Variants in GALNT11 observed in about 807,000 individuals in gnomAD.
GALNT11 encodes the protein UDP-GalNAc:polypeptide N-acetylgalactosaminyltransferase 11.
A neutral mutation model predicts 72.7 loss-of-function variants in GALNT11; 47 were observed. The observed-to-expected ratio is 0.65, with a 90% CI of 0.51 to 0.82. The LOEUF (loss-of-function observed/expected upper bound fraction) is 0.82. Among genes scored for constraint, GALNT11 ranks in the 40% least tolerant of loss-of-function variants. The pLI is 0.00. For missense variants in GALNT11, 677 were observed against 778.4 expected (o/e 0.87, Z 1.55); for synonymous variants, 270 against 286.6 (o/e 0.94, Z 0.58).
At chr7:152,049,292 A>G (rs2083284130) in intron 1 of GALNT11, among the ~76,000 whole-genome samples, 1 of 152,168 alleles carries the variant, frequency 6.6e-6, no homozygotes, top group East Asian at 1.9e-4. Flanking sequence ...ATTCAAAGGA[A>G]CTTGGATGTT....
chr7:152,033,828 T>C (rs753253322), intron 1 of GALNT11, among the ~76,000 whole-genome samples: 1 of 152,234 alleles, frequency 6.6e-6, no homozygotes, highest in Non-Finnish European at 1.5e-5. Context: ...TTTCTTCAGC[T>C]GTCATTCTGC....
At position 152,121,657 on chromosome 7, in the gene GALNT11, C is replaced by T. The variant is rs368283992; in HGVS notation, c.1807C>T (p.Gln603Ter). Residue 603 changes from glutamine (Q) to a stop codon, truncating the protein, a stop_gained, in exon 12 of 12, where the codon CAG (glutamine) becomes TAG (stop). Coordinates refer to ENST00000430044, the MANE Select transcript of GALNT11 (RefSeq NM_022087.4). LOFTEE classifies it high-confidence loss of function. ...GATCTGCGATGGCTCCTCTTCACAG[C>T]AGTGGCATTTGGAAGGTTAAGGTGG... is the stretch of plus-strand genomic sequence containing the variant. Reference protein sequence around the residue: ...MAICDGSSSQQWHLEG With the variant: ...MAICDGSSSQ The T allele has an allele frequency of 6.2e-7, 1 of 1,614,104 alleles. No individual in the cohort carries two copies. Among genetic ancestry groups the T allele is most frequent in the Non-Finnish European group, 8.5e-7 (1 of 1,179,982 alleles).
At chr7:152,031,756 G>T (rs924042863) in intron 1 of GALNT11, among the ~76,000 whole-genome samples, 1 of 152,162 alleles carries the variant, frequency 6.6e-6, no homozygotes, top group African/African-American at 2.4e-5. Context: ...GCTGGAGCTT[G>T]TACTAGGGCC....
At chr7:152,099,551 T>G (rs1490909058) in intron 2 of GALNT11, among the ~76,000 whole-genome samples, 2 of 135,356 alleles carry the variant, frequency 1.5e-5, no homozygotes, top group African/African-American at 2.8e-5. Context: ...TTTTTTTTTT[T>G]TTTTTTTTGT....
intron 1 of GALNT11, among the ~76,000 whole-genome samples, chr7:152,049,622 A>T (rs767430208): frequency 6.6e-6 from 1 of 152,120 alleles, no homozygotes; most frequent in Non-Finnish European, 1.5e-5. Context: ...CTTGGTAACC[A>T]CTGTGGCTAC....
At chr7:152,092,100 GTCCGGTTACAC>G (rs1489125596) in intron 1 of GALNT11, among the ~76,000 whole-genome samples, 3 of 152,182 alleles carry the variant, frequency 2.0e-5, no homozygotes, top group African/African-American at 7.2e-5. Context: ...AGAGCAGCCT[GTCCGGTTACAC>G]TCTTTAACTT....
chr7:152,026,678 C>T (rs2082031043), intron 1 of GALNT11, among the ~76,000 whole-genome samples: 1 of 152,062 alleles, frequency 6.6e-6, no homozygotes, highest in Non-Finnish European at 1.5e-5. Context: ...TGCCCCATGG[C>T]GTAAATTGTG....
intron 1 of GALNT11, among the ~76,000 whole-genome samples, chr7:152,063,520 G>T (rs1259194852): frequency 2.0e-5 from 3 of 152,056 alleles, no homozygotes; most frequent in Non-Finnish European, 4.4e-5. Context: ...GAATGTGTTT[G>T]CTCTTGCTTC....
intron 1 of GALNT11, among the ~76,000 whole-genome samples, chr7:152,054,513 T>C (rs1490985637): frequency 3.5e-4 from 52 of 147,376 alleles, no homozygotes; most frequent in African/African-American, 1.3e-3. Context: ...CTTTTTTTTT[T>C]TTTTTTTTTT....
chr7:152,120,640 G>A (rs1587520157), intron 10 of GALNT11, 191 bp from the exon 11 acceptor site: 2 of 560,168 alleles, frequency 3.6e-6, no homozygotes, highest in East Asian at 6.2e-5. Flanking sequence ...TCCCAGAATA[G>A]CACCTCACTT....
In GALNT11 at chr7:152,025,840, A is replaced by G; in HGVS notation, c.-83A>G. 3.5e-6 allele frequency: 1 copy of G among 284,642 alleles called. No homozygotes were observed. Among genetic ancestry groups the G allele is most frequent in the Non-Finnish European group, 7.6e-6 (1 of 131,726 alleles). The allele number at this position is 284,642 out of a possible 1,614,324, so 17.6% of individuals were successfully genotyped here. On this transcript the variant is annotated 5_prime_UTR_variant, in exon 1 of 12. Transcript: ENST00000430044. ...GCTGTGGCGGGAGAGAAGATGCCGC[A>G]GCCCGAGTCCCAGAAGGCGGCGATC...
chr7:152,096,398 T>C (rs1244820740), intron 2 of GALNT11, among the ~76,000 whole-genome samples: 1 of 152,130 alleles, frequency 6.6e-6, no homozygotes, highest in African/African-American at 2.4e-5. Context: ...ACAAAAACTT[T>C]CGTACATCAA....
intron 1 of GALNT11, among the ~76,000 whole-genome samples, chr7:152,082,389 G>A (rs972612141): frequency 2.6e-5 from 4 of 152,158 alleles, no homozygotes; most frequent in Non-Finnish European, 2.9e-5. Context: ...TGGCTGGAAC[G>A]GGACCTCACA....
intron 5 of GALNT11, chr7:152,107,781 C>T (rs2087740775): frequency 9.1e-6 from 3 of 329,526 alleles, no homozygotes; most frequent in Middle Eastern, 8.5e-4. Flanking sequence ...AATTGCCTGT[C>T]AGTTTTTTCA....
chr7:152,089,059 A>T (rs1346596212), intron 1 of GALNT11, among the ~76,000 whole-genome samples: 1 of 152,204 alleles, frequency 6.6e-6, no homozygotes, highest in Admixed American at 6.5e-5. Flanking sequence ...TGGCCCATGC[A>T]GGAGAACTGG....
chr7:152,092,110 A>G (rs1393235047), intron 1 of GALNT11, among the ~76,000 whole-genome samples: 5 of 151,804 alleles, frequency 3.3e-5, no homozygotes, highest in Non-Finnish European at 5.9e-5. Flanking sequence ...GTCCGGTTAC[A>G]CTCTTTAACT....
intron 1 of GALNT11, among the ~76,000 whole-genome samples, chr7:152,071,588 C>T (rs2084652578): frequency 1.3e-5 from 2 of 152,108 alleles, no homozygotes; most frequent in South Asian, 4.1e-4. Flanking sequence ...CATACATCTT[C>T]CTCAGCTGAC....
intron 1 of GALNT11, among the ~76,000 whole-genome samples, chr7:152,028,567 C>A (rs1213146699): frequency 1.3e-5 from 2 of 152,278 alleles, no homozygotes; most frequent in African/African-American, 4.8e-5. Context: ...GGTGTGTTTA[C>A]AAACCTTTAG....
chr7:152,026,623 A>G (rs1222011753), intron 1 of GALNT11, among the ~76,000 whole-genome samples: 1 of 152,242 alleles, frequency 6.6e-6, no homozygotes, highest in Non-Finnish European at 1.5e-5. Context: ...GTAAAAATGC[A>G]GATTCACTGA....
Sources: gnomAD v4.1 joint callset for allele counts (sites outside exome capture counted in the v4.1 genomes callset) on GRCh38, gnomAD v4.1.1 for gene constraint, MANE v1.5 for transcripts, NCBI Gene and HGNC (gene_info 2026-07-23, HGNC 2026-07-21) for gene names.